Variants in UNC5D observed in about 807,000 individuals in gnomAD.
UNC5D encodes the protein unc-5 netrin receptor D.
In UNC5D, 39 loss-of-function variants were observed where a neutral mutation model predicts 105.4. The ratio of observed to expected loss-of-function variants is 0.37; its 90% CI spans 0.29 to 0.48. The LOEUF (loss-of-function observed/expected upper bound fraction) is 0.48. Ranked by LOEUF, UNC5D falls within the 20% of genes least tolerant of loss-of-function variation. The pLI is 0.98. For synonymous variants in UNC5D, 452 were observed against 450.4 expected (o/e 1.00, Z -0.04); for missense variants, 991 against 1,202.4 (o/e 0.82, Z 2.60).
chr8:35,296,133 A>G (rs1463877071), intron 1 of UNC5D, among the ~76,000 whole-genome samples: 1 of 152,226 alleles, frequency 6.6e-6, no homozygotes, highest in Admixed American at 6.5e-5. Context: ...ATGGAAGTAC[A>G]GATACCTCTT....
chr8:35,684,586 T>C lies in UNC5D; in HGVS notation c.756T>C (p.Asn252=). The C allele has an allele frequency of 6.2e-7, 1 of 1,608,876 alleles. No individual in the cohort carries two copies. Among genetic ancestry groups the C allele is most frequent in the Non-Finnish European group, 8.5e-7 (1 of 1,178,662 alleles). ...CTCCCCATTTTTCTCTCTCAGTGAA[T>C]GGAGGCTGGTCTTCCTGGACAGAGT... The part of the protein sequence containing the change: ...SLSATVVVYV[N]GGWSSWTEWS... The change falls in exon 6 of 17, where the codon AAT becomes AAC. Residue 252 remains asparagine, a synonymous_variant. Transcript: ENST00000404895.
At chr8:35,382,406 T>C (rs1217649657) in intron 1 of UNC5D, among the ~76,000 whole-genome samples, 1 of 152,240 alleles carries the variant, frequency 6.6e-6, no homozygotes, top group African/African-American at 2.4e-5. Context: ...AGTCATTTTT[T>C]CTAAAACTGA....
In UNC5D at chr8:35,584,144, A is replaced by G. The variant is rs184604859; in HGVS notation, c.467-11410A>G. On this transcript the variant is annotated intron_variant, in intron 3 of 16. Coordinates refer to ENST00000404895, the MANE Select transcript of UNC5D (RefSeq NM_080872.4). ...TTTTTGCTCTTCTGAGTATAACCTC[A>G]TCCTGAAAGAGAATCAGCAGTTGGT... 2.2e-4 allele frequency among the ~76,000 whole-genome samples: 33 copies of G among 152,288 alleles called. 1 individual carries two copies. In the East Asian group the frequency reaches 6.0e-3, roughly 28 times the overall value.
At chr8:35,384,221 AAAAAAAAAAC>A (rs1415232296) in intron 1 of UNC5D, among the ~76,000 whole-genome samples, 29 of 151,718 alleles carry the variant, frequency 1.9e-4, no homozygotes, top group Non-Finnish European at 1.0e-4. Context: ...TCCATTTCAA[AAAAAAAAAAC>A]AAAAAAAAAC....
intron 4 of UNC5D, among the ~76,000 whole-genome samples, chr8:35,607,375 G>C (rs1410594583): frequency 6.6e-6 from 1 of 152,100 alleles, no homozygotes; most frequent in African/African-American, 2.4e-5. Flanking sequence ...AACAGTTCTG[G>C]GGTAGAAGTC....
At chr8:35,236,384 G>A (rs1295985179) in intron 1 of UNC5D, among the ~76,000 whole-genome samples, 2 of 90,218 alleles carry the variant, frequency 2.2e-5, no homozygotes, top group African/African-American at 8.4e-5. Flanking sequence ...AAGTCCCTTC[G>A]CTCTGCGCCT....
At chr8:35,285,292 G>A (rs931886822) in intron 1 of UNC5D, among the ~76,000 whole-genome samples, 3 of 152,046 alleles carry the variant, frequency 2.0e-5, no homozygotes, top group South Asian at 2.1e-4. Flanking sequence ...ACTTATTTTC[G>A]GGCAAACACC....
At chr8:35,744,615 G>C (rs1829915976) in intron 11 of UNC5D, among the ~76,000 whole-genome samples, 1 of 152,066 alleles carries the variant, frequency 6.6e-6, no homozygotes, top group Admixed American at 6.6e-5. Context: ...GATTTACTCT[G>C]ATGCTCAAAA....
intron 3 of UNC5D, among the ~76,000 whole-genome samples, chr8:35,588,509 C>T (rs1818946386): frequency 6.6e-6 from 1 of 152,184 alleles, no homozygotes; most frequent in South Asian, 2.1e-4. Flanking sequence ...GTGGGCCCCA[C>T]TGCTACATTT....
At chr8:35,713,673 C>T (rs188380205) in intron 8 of UNC5D, among the ~76,000 whole-genome samples, 178 of 152,216 alleles carry the variant, frequency 1.2e-3, no homozygotes, top group African/African-American at 4.1e-3. Flanking sequence ...TCTGAATGGG[C>T]ACTATCAAAA....
At chr8:35,481,338 G>T (rs1404996573) in intron 1 of UNC5D, among the ~76,000 whole-genome samples, 1 of 152,212 alleles carries the variant, frequency 6.6e-6, no homozygotes, top group Non-Finnish European at 1.5e-5. Flanking sequence ...GGTGGAGGTT[G>T]CAGTGAGCCA....
chr8:35,421,562 T>C (rs1050154823), intron 1 of UNC5D, among the ~76,000 whole-genome samples: 1 of 152,154 alleles, frequency 6.6e-6, no homozygotes, highest in African/African-American at 2.4e-5. Context: ...ATTCATCCAG[T>C]TTTGTATAAA....
At chr8:35,422,903 A>G (rs1340991430) in intron 1 of UNC5D, among the ~76,000 whole-genome samples, 2 of 152,190 alleles carry the variant, frequency 1.3e-5, no homozygotes, top group Non-Finnish European at 2.9e-5. Flanking sequence ...AAGTGGTCAC[A>G]TGGGTAGATG....
chr8:35,595,760 T>A, intron 4 of UNC5D, 103 bp downstream of exon 4: 1 of 985,422 alleles, frequency 1.0e-6, no homozygotes, highest in Non-Finnish European at 1.5e-6. Context: ...GGAGCCCATG[T>A]CTGGGATTCT....
chr8:35,723,971 CT>C (rs1413483631), intron 9 of UNC5D, among the ~76,000 whole-genome samples: 2 of 151,756 alleles, frequency 1.3e-5, no homozygotes, highest in Non-Finnish European at 2.9e-5. Flanking sequence ...ATGAAATCAC[CT>C]GGAATAACAT....
chr8:35,325,943 C>T (rs1483671007), intron 1 of UNC5D, among the ~76,000 whole-genome samples: 2 of 152,078 alleles, frequency 1.3e-5, no homozygotes, highest in East Asian at 3.9e-4. Context: ...ACAGCAAATA[C>T]CAAGGTGTTA....
rs759101180 is a variant in UNC5D at position 35,722,326 on chromosome 8, G to A, written c.1234G>A (p.Val412Met). Residue 412 changes from valine to methionine, a missense_variant, in exon 9 of 17, where the codon GTG becomes ATG. Coordinates refer to ENST00000404895, the MANE Select transcript of UNC5D (RefSeq NM_080872.4). ...LYRRSQSDYG[V>M]DVIDSSALTG... ...CAGACGGAGCCAGAGTGACTATGGC[G>A]TGGACGTCATTGACTCTTCTGCATT... 33 of 1,614,002 alleles carry A rather than the reference G, an allele frequency of 2.0e-5. No individual in the cohort carries two copies. Among genetic ancestry groups the A allele is most frequent in the East Asian group, 4.5e-5 (2 of 44,888 alleles).
At chr8:35,500,492 A>G (rs1811891400) in intron 1 of UNC5D, among the ~76,000 whole-genome samples, 1 of 152,118 alleles carries the variant, frequency 6.6e-6, no homozygotes, top group Admixed American at 6.5e-5. Context: ...CTTCTATTAA[A>G]CCATTCATGT....
chr8:35,275,763 A>G (rs530010116), intron 1 of UNC5D, among the ~76,000 whole-genome samples: 1 of 152,240 alleles, frequency 6.6e-6, no homozygotes, highest in Admixed American at 6.5e-5. Context: ...TTGAAGTAAC[A>G]TATGTAAAGT....
Sources: gnomAD v4.1 joint callset for allele counts (sites outside exome capture counted in the v4.1 genomes callset) on GRCh38, gnomAD v4.1.1 for gene constraint, MANE v1.5 for transcripts, NCBI Gene and HGNC (gene_info 2026-07-23, HGNC 2026-07-21) for gene names.